NAA10: variants seen among roughly 807,000 people sequenced by gnomAD.
NAA10 encodes N-alpha-acetyltransferase 10, NatA catalytic subunit.
Under a neutral mutation model 19.2 loss-of-function variants are expected in NAA10, and 6 were observed. That is an observed-to-expected ratio of 0.31 (90% CI 0.17 to 0.62). The LOEUF (loss-of-function observed/expected upper bound fraction) is 0.62. NAA10 is among the 20% of genes least tolerant of loss of function. The pLI is 0.83. For missense variants in NAA10, 101 were observed against 198.4 expected (o/e 0.51, Z 2.95); for synonymous variants, 97 against 79.9 (o/e 1.21, Z -1.14).
At chrX:153,933,811 A>G in intron 3 of NAA10, 132 bp downstream of exon 3, 1 of 574,357 alleles carries the variant, frequency 1.7e-6, no homozygotes. Flanking sequence ...TAAGAACTCC[A>G]TGTCCTTTCT....
chrX:153,934,640 GCGCCCCGGAGGT>G, intron 1 of NAA10, 165 bp from the exon 2 acceptor site: 1 of 571,225 alleles, frequency 1.8e-6, no homozygotes, highest in Non-Finnish European at 2.9e-6. Flanking sequence ...ACAGGAGTGG[GCGCCCCGGAGGT>G]CCCCGGAGCC....
In NAA10 at chrX:153,930,132, G is replaced by A. The variant is rs199692558; in HGVS notation, c.563C>T (p.Pro188Leu). The A allele has an allele frequency of 2.3e-5, 28 of 1,208,943 alleles. No individual in the cohort carries two copies. The highest frequency in any genetic ancestry group is 6.6e-5 in the Admixed American group (3 of 45,692). Residue 188 changes from proline (P) to leucine (L), a missense_variant, in exon 8 of 8, where the codon CCG (proline) becomes CTG (leucine). This residue lies in a region of NAA10 where 58 missense variants were observed against 75.8 expected (regional missense o/e 0.77). Transcript: ENST00000464845. Reference protein sequence around the residue: ...NKVESKGNSPPSSGEACREEK... With the variant: ...NKVESKGNSPLSSGEACREEK... ...CTCGCGACAGGCCTCTCCTGAGCTCGGAGGTGAATTGCCTTTGCTCTCCAC... is the reference window on the plus strand; with the variant it reads ...CTCGCGACAGGCCTCTCCTGAGCTCAGAGGTGAATTGCCTTTGCTCTCCAC...
At position 153,930,755 on chromosome X, in the gene NAA10, G is replaced by T; in HGVS notation, c.471+8C>A. 2 of 1,211,444 alleles carry T rather than the reference G, an allele frequency of 1.7e-6. No individual in the cohort carries two copies. The highest frequency in any genetic ancestry group is 1.1e-6 in the Non-Finnish European group (1 of 895,056). ...GCTCGCCTTGCTTGGCTTCATGCAG[G>T]CGCTTACCTCGTCGGCCATCTGAGT... On this transcript the variant is annotated splice_region_variant and intron_variant, in intron 7 of 7. Coordinates refer to ENST00000464845, the MANE Select transcript of NAA10 (RefSeq NM_003491.4).
In NAA10 at chrX:153,932,504, A is replaced by ACC. The variant is rs782354074; in HGVS notation, c.225+33_225+34dup. ...GCTGCCCCAACTAACCCCCACTTCC[A>ACC]CCCCCACCAGAGAGCCTGGGTGGAC... On this transcript the variant is annotated intron_variant, in intron 4 of 7. Coordinates refer to ENST00000464845, the MANE Select transcript of NAA10 (RefSeq NM_003491.4). The ACC allele has an allele frequency of 1.1e-5, 13 of 1,198,536 alleles. No homozygotes were observed. The East Asian group carries it at 3.3e-4, about 30-fold the overall frequency.
chrX:153,932,862 G>C, intron 3 of NAA10: 1 of 378,751 alleles, frequency 2.6e-6, no homozygotes, highest in Non-Finnish European at 4.6e-6. Context: ...GACCAGCCTG[G>C]ACAACACTTT....
rs782642287 is a variant in NAA10, at chrX:153,932,732, C to A, written c.180-148G>T. ...CCGGGAGCCTCTTGGATCAGAGCAG[C>A]CGATCCTGCCACCCTCTGCTGCCTG... On this transcript the variant is annotated intron_variant, in intron 3 of 7. Coordinates refer to ENST00000464845, the MANE Select transcript of NAA10 (RefSeq NM_003491.4). 649 of 550,789 alleles carry A rather than the reference C, an allele frequency of 1.2e-3. 2 individuals are homozygous for A. The African/African-American group carries it at 0.013, about 11-fold the overall frequency. The allele number at this position is 550,789 out of a possible 1,213,427, so 45.4% of individuals were successfully genotyped here.
intron 7 of NAA10, 185 bp from the exon 8 acceptor site, chrX:153,930,408 C>G: frequency 2.0e-6 from 1 of 488,133 alleles, no homozygotes; most frequent in Non-Finnish European, 3.6e-6. Context: ...CCTGGGCTTA[C>G]CGACTACCAT....
In NAA10 at chrX:153,933,981, G is replaced by A. The variant is rs375877098; in HGVS notation, c.141C>T (p.Asp47=). The A allele has an allele frequency of 4.1e-5, 49 of 1,208,695 alleles. No homozygotes were observed. Among genetic ancestry groups the A allele is most frequent in the African/African-American group, 3.3e-4 (19 of 56,919 alleles). The part of the protein sequence containing the change: ...SWPQLSYIAE[D]ENGKIVGYVL... ...CATACCCCACAATCTTCCCATTCTC[G>A]TCCTCAGCAATGTAAGAGAGCTGGT... Residue 47 remains aspartate (D), a synonymous_variant, in exon 3 of 8, where the codon GAC becomes GAT. Transcript: ENST00000464845.
At position 153,930,323 on chromosome X, in the gene NAA10, T is replaced by C. The variant is rs1404965498; in HGVS notation, c.472-100A>G. The C allele has an allele frequency of 6.4e-6, 5 of 786,593 alleles. No individual in the cohort carries two copies. In the African/African-American group the frequency reaches 8.2e-5, roughly 13 times the overall value. The allele number at this position is 786,593 out of a possible 1,213,427, so 64.8% of individuals were successfully genotyped here. A position where few individuals can be genotyped will look rare whatever the true frequency, so the allele number is the denominator to read the frequency against. On this transcript the variant is annotated intron_variant, in intron 7 of 7. Coordinates refer to ENST00000464845, the MANE Select transcript of NAA10 (RefSeq NM_003491.4). Reference sequence around the variant, plus strand: ...CTGTCGCTGGCTGAGGAGAGGGGCATAGTGAGGCAGCAGGGCTAGGCAGGA... The same window carrying C: ...CTGTCGCTGGCTGAGGAGAGGGGCACAGTGAGGCAGCAGGGCTAGGCAGGA...
intron 6 of NAA10, 53 bp downstream of exon 6, chrX:153,932,018 G>C: frequency 8.3e-7 from 1 of 1,211,964 alleles, no homozygotes; most frequent in African/African-American, 1.7e-5. Context: ...GTGCCCTGAT[G>C]GGCCAGACCT....
At chrX:153,934,810 C>A in intron 1 of NAA10, 74 bp downstream of exon 1, 1 of 937,494 alleles carries the variant, frequency 1.1e-6, no homozygotes, top group Non-Finnish European at 1.3e-6. Flanking sequence ...GGCCGGGGCC[C>A]TCGGGAGCAT....
intron 2 of NAA10, 180 bp downstream of exon 2, chrX:153,934,197 C>T (rs1287227207): frequency 3.6e-6 from 2 of 550,758 alleles, no homozygotes; most frequent in Non-Finnish European, 6.2e-6. Flanking sequence ...TGCCCCTATT[C>T]TCTGCTCCCT....
intron 7 of NAA10, 112 bp downstream of exon 7, chrX:153,930,651 G>C: frequency 1.2e-6 from 1 of 820,208 alleles, no homozygotes; most frequent in East Asian, 3.1e-5. Context: ...GTGACTCCTG[G>C]CAACGTAGCC....
Position 153,932,465 on chromosome X carries a change from C to A in NAA10, c.226-34G>T, listed in dbSNP as rs112277579. 2.5e-6 allele frequency: 3 copies of A among 1,200,505 alleles called. No homozygotes were observed. In the African/African-American group the frequency reaches 5.2e-5, roughly 21 times the overall value. On this transcript the variant is annotated intron_variant, in intron 4 of 7. Coordinates refer to ENST00000464845, the MANE Select transcript of NAA10 (RefSeq NM_003491.4). Reference sequence around the variant, plus strand: ...AGAAGAGCAGAGATGGGGTGAGGGACTGGGACCTTGAGGGCTGCCCCAACT... The same window carrying A: ...AGAAGAGCAGAGATGGGGTGAGGGAATGGGACCTTGAGGGCTGCCCCAACT...
At chrX:153,930,709 G>A (rs1222204980) in intron 7 of NAA10, 54 bp downstream of exon 7, 5 of 1,160,502 alleles carry the variant, frequency 4.3e-6, no homozygotes, top group Admixed American at 4.4e-5. Context: ...CACTGTCTTG[G>A]GGCTCCTGAG....
rs1273065518 is a variant in NAA10, at chrX:153,929,467, C to T, written c.*520G>A. ...CTGTTGATGGGGCATCTGGCTGGGT[C>T]ATTACTCAGACAGGACATTTGTAGA... On this transcript the variant is annotated 3_prime_UTR_variant, in exon 8 of 8. Coordinates refer to ENST00000464845, the MANE Select transcript of NAA10 (RefSeq NM_003491.4). 1 of 125,505 alleles carries T rather than the reference C, an allele frequency of 8.0e-6. No individual in the cohort carries two copies. Among genetic ancestry groups the T allele is most frequent in the Non-Finnish European group, 1.6e-5 (1 of 61,300 alleles). 10.3% of individuals were successfully genotyped at this position (125,505 alleles called of 1,213,427 possible). A position where few individuals can be genotyped will look rare whatever the true frequency, so the allele number is the denominator to read the frequency against.
At position 153,930,805 on chromosome X, in the gene NAA10, G is replaced by A. The variant is rs369724464; in HGVS notation, c.429C>T (p.Asp143=). 3.7e-5 allele frequency: 45 copies of A among 1,210,261 alleles called. No homozygotes were observed. The East Asian group carries it at 9.2e-4, about 25-fold the overall frequency. ...VEPKYYADGE[D]AYAMKRDLTQ... ...TGAGGTCCCGCTTCATGGCATAGGC[G>A]TCCTCCCCATCTGCATAGTATTTGG... Residue 143 remains aspartate (D), a synonymous_variant, in exon 7 of 8, where the codon GAC becomes GAT. Coordinates refer to ENST00000464845, the MANE Select transcript of NAA10 (RefSeq NM_003491.4).
intron 3 of NAA10, chrX:153,932,850 G>A (rs2065174625): frequency 4.9e-6 from 2 of 407,696 alleles, no homozygotes; most frequent in Non-Finnish European, 8.6e-6. Flanking sequence ...CCAGGAGTTC[G>A]AGACCAGCCT....
At chrX:153,930,947 T>C (rs782784000) in intron 6 of NAA10, 100 bp from the exon 7 acceptor site, 4 of 1,204,896 alleles carry the variant, frequency 3.3e-6, no homozygotes, top group Non-Finnish European at 2.2e-6. Context: ...GTGCCATGTT[T>C]TCTCCCTGAA....
Sources: allele counts gnomAD v4.1 joint callset, GRCh38; gene constraint gnomAD v4.1.1; regional missense constraint gnomAD v4.1.1; transcripts MANE v1.5; gene names NCBI Gene and HGNC (gene_info 2026-07-23, HGNC 2026-07-21).